Variants in JAKMIP1 observed in about 807,000 individuals in gnomAD.
JAKMIP1 encodes the protein janus kinase and microtubule interacting protein 1.
In JAKMIP1, 33 loss-of-function variants were observed where a neutral mutation model predicts 113.0. The ratio of observed to expected loss-of-function variants is 0.29; its 90% CI spans 0.22 to 0.39. The LOEUF is 0.39. Ranked by LOEUF, JAKMIP1 falls within the 10% of genes least tolerant of loss-of-function variation. The probability of loss-of-function intolerance (pLI) is 1.00; values close to 1 mark genes in which losing one functional copy is unlikely to be tolerated. For missense variants in JAKMIP1, 813 were observed against 1,080.5 expected, an observed-to-expected ratio of 0.75 and a Z score of 3.47; for synonymous variants, 480 against 459.9, an observed-to-expected ratio of 1.04 and a Z score of -0.56.
In JAKMIP1 at chr4:6,085,405, G is replaced by A. The variant is rs757070678; in HGVS notation, c.834+15C>T. 1.2e-6 allele frequency: 2 copies of A among 1,609,298 alleles called. No homozygotes were observed. Among genetic ancestry groups the A allele is most frequent in the African/African-American group, 1.3e-5 (1 of 74,914 alleles). Reference sequence around the variant, plus strand: ...GGGGACCAGCCTGAGGCTGGCACAAGCTGCTGCCCCTCACCTGGACGCCCA... The same window carrying A: ...GGGGACCAGCCTGAGGCTGGCACAAACTGCTGCCCCTCACCTGGACGCCCA... On this transcript the variant is annotated intron_variant, in intron 4 of 20. Coordinates refer to ENST00000409021, the MANE Select transcript of JAKMIP1 (RefSeq NM_001099433.2).
Position 6,069,207 on chromosome 4 carries a change from T to G in JAKMIP1, c.1303-4199A>C, listed in dbSNP as rs1444080727. Among the ~76,000 whole-genome samples, 1 of 152,166 alleles carries G rather than the reference T, an allele frequency of 6.6e-6. No individual in the cohort carries two copies. The highest frequency in any genetic ancestry group is 1.5e-5 in the Non-Finnish European group (1 of 68,034). On this transcript the variant is annotated intron_variant, in intron 8 of 20. Transcript: ENST00000409021. The surrounding 1 kb of genome is among the most constrained non-coding windows in gnomAD (Gnocchi z 4.5). ...AGAAAACATTGTTTCCTGTCATGAC[T>G]GGCACACAGTGGGCTTTAAAAAAAA...
At chr4:6,191,549 T>G (rs1727260440) in intron 1 of JAKMIP1, among the ~76,000 whole-genome samples, 1 of 152,238 alleles carries the variant, frequency 6.6e-6, no homozygotes, top group South Asian at 2.1e-4. Context: ...AGGCTGAGCT[T>G]CTTGTTTACA....
At position 6,139,917 on chromosome 4, in the gene JAKMIP1, C is replaced by T. The variant is rs1220369488; in HGVS notation, c.-147-26920G>A. Reference sequence around the variant, plus strand: ...GGAATACCAAGGACTGCCACCAAAGCACAGGAAGCCAGGGGAGAGGCCTGG... The same window carrying T: ...GGAATACCAAGGACTGCCACCAAAGTACAGGAAGCCAGGGGAGAGGCCTGG... On this transcript the variant is annotated intron_variant, in intron 1 of 20. Coordinates refer to ENST00000409021, the MANE Select transcript of JAKMIP1 (RefSeq NM_001099433.2). The surrounding 1 kb of genome is among the most constrained non-coding windows in gnomAD (Gnocchi z 5.2). 2.0e-5 allele frequency among the ~76,000 whole-genome samples: 3 copies of T among 152,132 alleles called. No individual in the cohort carries two copies. The highest frequency in any genetic ancestry group is 6.5e-5 in the Admixed American group (1 of 15,276).
In JAKMIP1 at chr4:6,088,386, G is replaced by A. The variant is rs536664682; in HGVS notation, c.625-2757C>T. Among the ~76,000 whole-genome samples the A allele has an allele frequency of 7.2e-5, 11 of 152,266 alleles. No individual in the cohort carries two copies. In the South Asian group the frequency reaches 2.1e-3, roughly 29 times the overall value. ...AGGGAGGGTTCTTGTCTGCCCCTCA[G>A]TATCAGCTTTGCAGTGAAGCCCCCG... On this transcript the variant is annotated intron_variant, in intron 3 of 20. Transcript: ENST00000409021. The surrounding 1 kb of genome is among the most constrained non-coding windows in gnomAD (Gnocchi z 5.5).
chr4:6,127,484 G>A (rs1485722443), intron 1 of JAKMIP1, among the ~76,000 whole-genome samples: 1 of 152,240 alleles, frequency 6.6e-6, no homozygotes, highest in African/African-American at 2.4e-5. Context: ...CCCAGCAGGG[G>A]AGGATCGGTT....
Position 6,059,528 on chromosome 4 carries a change from G to T in JAKMIP1, c.1644+896C>A, listed in dbSNP as rs1716967504. On this transcript the variant is annotated intron_variant, in intron 11 of 20. Transcript: ENST00000409021. This position sits in a 1 kb window ranked among gnomAD's most constrained non-coding sequence, Gnocchi z 4.8. ...ATGCCTCTCTGCAGGCAGGGGTGGG[G>T]GCCACCAGACACTCCGTCTGCCCAC... 6.6e-6 allele frequency among the ~76,000 whole-genome samples: 1 copy of T among 152,004 alleles called. No individual in the cohort carries two copies. The highest frequency in any genetic ancestry group is 1.5e-5 in the Non-Finnish European group (1 of 67,990).
Position 6,137,595 on chromosome 4 carries a change from A to T in JAKMIP1, c.-147-24598T>A, listed in dbSNP as rs1204667459. Among the ~76,000 whole-genome samples the T allele has an allele frequency of 6.6e-6, 1 of 152,152 alleles. No homozygotes were observed. Among genetic ancestry groups the T allele is most frequent in the Non-Finnish European group, 1.5e-5 (1 of 68,032 alleles). On this transcript the variant is annotated intron_variant, in intron 1 of 20. Transcript: ENST00000409021. The surrounding 1 kb of genome is among the most constrained non-coding windows in gnomAD (Gnocchi z 4.5). ...AGAGACGCTCTTTTTCAGCCAATCC[A>T]CACTCTCTCCGCACCTGGAGGCAAT...
intron 1 of JAKMIP1, among the ~76,000 whole-genome samples, chr4:6,177,446 A>G (rs934361363): frequency 6.6e-6 from 1 of 152,154 alleles, no homozygotes; most frequent in Non-Finnish European, 1.5e-5. Context: ...ACCTACTCCA[A>G]CAAGCCCTCC....
intron 1 of JAKMIP1, among the ~76,000 whole-genome samples, chr4:6,163,509 C>A (rs905863523): frequency 9.9e-5 from 15 of 152,228 alleles, no homozygotes; most frequent in Non-Finnish European, 2.1e-4. Flanking sequence ...CTCAGGCCTC[C>A]CCATTCCCTG....
Position 6,129,219 on chromosome 4 carries a change from G to A in JAKMIP1, c.-147-16222C>T, listed in dbSNP as rs996395554. On this transcript the variant is annotated intron_variant, in intron 1 of 20. Transcript: ENST00000409021. The surrounding 1 kb of genome is among the most constrained non-coding windows in gnomAD (Gnocchi z 5.4). ...AGCCATCAAGGGACACAGGTTTCCT[G>A]ATTCCTTGATAAAAATAGTCCCCCC... 1.3e-5 allele frequency among the ~76,000 whole-genome samples: 2 copies of A among 152,234 alleles called. No homozygotes were observed. Among genetic ancestry groups the A allele is most frequent in the African/African-American group, 4.8e-5 (2 of 41,472 alleles).
chr4:6,121,425 T>C (rs542880902), intron 1 of JAKMIP1, among the ~76,000 whole-genome samples: 17 of 152,298 alleles, frequency 1.1e-4, no homozygotes, highest in African/African-American at 4.1e-4. Flanking sequence ...TGCCTTCAAC[T>C]TCCCTCTCAC....
In JAKMIP1 at chr4:6,080,374, G is replaced by A. The variant is rs1720332615; in HGVS notation, c.1102-62C>T. On this transcript the variant is annotated intron_variant, in intron 6 of 20. Transcript: ENST00000409021. This position sits in a 1 kb window ranked among gnomAD's most constrained non-coding sequence, Gnocchi z 6.0. Reference sequence around the variant, plus strand: ...CCGCCAACAGTGTTTGTTAGGGACAGTGCTGGAGTGGAGCTCAGGGGTGCA... The same window carrying A: ...CCGCCAACAGTGTTTGTTAGGGACAATGCTGGAGTGGAGCTCAGGGGTGCA... 10 of 1,568,410 alleles carry A rather than the reference G, an allele frequency of 6.4e-6. 1 individual carries two copies. In the Middle Eastern group the frequency reaches 1.4e-3, roughly 215 times the overall value.
rs1721950333 is a variant in JAKMIP1, at chr4:6,154,170, C to A, written c.-147-41173G>T. ...GCACTCAGGGAGACACTGACCCTCG[C>A]AGGAGGGAAGACAGAGCGGAGCTGG... On this transcript the variant is annotated intron_variant, in intron 1 of 20. Coordinates refer to ENST00000409021, the MANE Select transcript of JAKMIP1 (RefSeq NM_001099433.2). The surrounding 1 kb of genome is among the most constrained non-coding windows in gnomAD (Gnocchi z 4.2). 6.6e-6 allele frequency among the ~76,000 whole-genome samples: 1 copy of A among 152,170 alleles called. No homozygotes were observed. The highest frequency in any genetic ancestry group is 1.5e-5 in the Non-Finnish European group (1 of 68,038).
chr4:6,034,909 T>G (rs2108747841), intron 19 of JAKMIP1, among the ~76,000 whole-genome samples: 1 of 152,258 alleles, frequency 6.6e-6, no homozygotes, highest in Non-Finnish European at 1.5e-5. Context: ...CTCCATAATG[T>G]GTGTGTGTGG....
At position 6,076,670 on chromosome 4, in the gene JAKMIP1, T is replaced by C. The variant is rs1437515315; in HGVS notation, c.1302+2269A>G. Among the ~76,000 whole-genome samples the C allele has an allele frequency of 6.6e-6, 1 of 152,184 alleles. No individual in the cohort carries two copies. Among genetic ancestry groups the C allele is most frequent in the Non-Finnish European group, 1.5e-5 (1 of 68,030 alleles). Reference sequence around the variant, plus strand: ...TATATTTTACAGGCTGAGTGTCCTTTATCTGAAATACTTGGAACCAGAAGG... The same window carrying C: ...TATATTTTACAGGCTGAGTGTCCTTCATCTGAAATACTTGGAACCAGAAGG... On this transcript the variant is annotated intron_variant, in intron 8 of 20. Transcript: ENST00000409021. This position sits in a 1 kb window ranked among gnomAD's most constrained non-coding sequence, Gnocchi z 4.8.
intron 1 of JAKMIP1, among the ~76,000 whole-genome samples, chr4:6,159,289 T>TA (rs35263959): frequency 0.58 from 87,471 of 149,570 alleles, 25,855 homozygotes; most frequent in East Asian, 0.78. Flanking sequence ...ACAAATCTGC[T>TA]AAAAAAAAAA....
At position 6,042,140 on chromosome 4, in the gene JAKMIP1, A is replaced by T; in HGVS notation, c.2097+19T>A. 6.2e-7 allele frequency: 1 copy of T among 1,607,176 alleles called. No individual in the cohort carries two copies. The highest frequency in any genetic ancestry group is 8.5e-7 in the Non-Finnish European group (1 of 1,173,798). On this transcript the variant is annotated intron_variant, in intron 17 of 20. Transcript: ENST00000409021. This position sits in a 1 kb window ranked among gnomAD's most constrained non-coding sequence, Gnocchi z 5.2. ...TCTTTGAACCCTCTCCCCCACCCCC[A>T]GGCAGTCAAATCTTTTACCTTCTCC...
At chr4:6,075,865 C>T (rs1560146907) in intron 8 of JAKMIP1, among the ~76,000 whole-genome samples, 2 of 152,204 alleles carry the variant, frequency 1.3e-5, no homozygotes, top group Non-Finnish European at 2.9e-5. Context: ...ATTTCTCCTC[C>T]CATAAACACA....
At position 6,058,508 on chromosome 4, in the gene JAKMIP1, G is replaced by A. The variant is rs151318271; in HGVS notation, c.1645-1749C>T. 1.7e-4 allele frequency among the ~76,000 whole-genome samples: 26 copies of A among 152,144 alleles called. No homozygotes were observed. The East Asian group carries it at 2.5e-3, about 15-fold the overall frequency. On this transcript the variant is annotated intron_variant, in intron 11 of 20. Transcript: ENST00000409021. ...TGTTATTACTTCTCTAAGTCTTTTC[G>A]AAAGCAACTTCCTCTTTCCCTTTGT...
Sources: allele counts gnomAD v4.1 joint callset (sites outside exome capture counted in the v4.1 genomes callset), GRCh38; gene constraint gnomAD v4.1.1; non-coding constraint Gnocchi (gnomAD v3.1); transcripts MANE v1.5; gene names NCBI Gene and HGNC (gene_info 2026-07-23, HGNC 2026-07-21).